Variants in JCAD observed in about 807,000 individuals in gnomAD.
JCAD encodes the protein junctional cadherin 5 associated, also known as junctional cadherin 5-associated protein.
JCAD carries 40 observed loss-of-function variants against 98.0 expected under a neutral mutation model. The observed-to-expected ratio is 0.41, with a 90% CI of 0.32 to 0.53. The LOEUF (loss-of-function observed/expected upper bound fraction) is 0.53, where lower values mean the gene tolerates loss of function less well. Among genes scored for constraint, JCAD ranks in the 20% least tolerant of loss-of-function variants. The pLI, the probability that JCAD is intolerant of heterozygous loss-of-function variation, is 0.31. For missense variants in JCAD, 1,705 were observed against 1,738.1 expected (o/e 0.98, Z 0.34); for synonymous variants, 691 against 682.3 (o/e 1.01, Z -0.20).
chr10:30,045,841 A>C (rs987229289), intron 2 of JCAD, among the ~76,000 whole-genome samples: 2 of 152,208 alleles, frequency 1.3e-5, no homozygotes, highest in South Asian at 2.1e-4. Context: ...TGACTTGGCA[A>C]CTTAAACCTG....
At chr10:30,069,522 G>C (rs987136918) in intron 2 of JCAD, among the ~76,000 whole-genome samples, 3 of 151,356 alleles carry the variant, frequency 2.0e-5, no homozygotes, top group Admixed American at 6.6e-5. Flanking sequence ...GGAGGCAGAG[G>C]TTGCAGTGAG....
chr10:30,083,963 A>G (rs1289918212), intron 1 of JCAD, among the ~76,000 whole-genome samples: 1 of 151,998 alleles, frequency 6.6e-6, no homozygotes, highest in African/African-American at 2.4e-5. Flanking sequence ...TCGAGGCTGC[A>G]GTGAAGTATG....
In JCAD at chr10:30,027,519, C is replaced by T. The variant is rs370847675; in HGVS notation, c.2629G>A (p.Glu877Lys). 2 of 1,612,154 alleles carry T rather than the reference C, an allele frequency of 1.2e-6. No homozygotes were observed. The highest frequency in any genetic ancestry group is 4.5e-5 in the East Asian group (2 of 44,888). ...CTGTTTCCGCGGAAGCCCACATCCT[C>T]CTGTCTGCAGTGAGCACGGTTCTCC... ...QQENRAHCRQEDVGFRGNSPE... is the reference protein window; with the variant it reads ...QQENRAHCRQKDVGFRGNSPE... Residue 877 changes from glutamate (E) to lysine (K), a missense_variant, in exon 3 of 4, where the codon GAG becomes AAG. Physicochemically the swap from Glu to Lys is moderately conservative, Grantham distance 56. Around this residue, in one of 3 missense-constraint regions of JCAD, gnomAD observed 1,278 missense variants for 1,243.1 expected, o/e 1.03. Transcript: ENST00000375377.
At chr10:30,034,856 C>T (rs1299469413) in intron 2 of JCAD, among the ~76,000 whole-genome samples, 1 of 152,198 alleles carries the variant, frequency 6.6e-6, no homozygotes, top group East Asian at 1.9e-4. Context: ...CTGTGAAAGG[C>T]TAAAAGAAAT....
intron 2 of JCAD, among the ~76,000 whole-genome samples, chr10:30,068,261 G>A (rs1436698887): frequency 6.6e-6 from 1 of 151,876 alleles, no homozygotes; most frequent in African/African-American, 2.4e-5. Context: ...CATGGTGGCA[G>A]GTACCTATAA....
chr10:30,040,424 A>AT (rs1266628390), intron 2 of JCAD, among the ~76,000 whole-genome samples: 1 of 152,244 alleles, frequency 6.6e-6, no homozygotes, highest in Non-Finnish European at 1.5e-5. Flanking sequence ...GATTTTTACC[A>AT]TGTTAAACTG....
chr10:30,038,967 C>T (rs1449006917), intron 2 of JCAD, among the ~76,000 whole-genome samples: 1 of 152,176 alleles, frequency 6.6e-6, no homozygotes, highest in Admixed American at 6.5e-5. Context: ...CTTCCTGCAA[C>T]TGCACTTCTA....
chr10:30,019,368 A>G (rs1836609612), intron 3 of JCAD, among the ~76,000 whole-genome samples: 1 of 151,394 alleles, frequency 6.6e-6, no homozygotes, highest in Non-Finnish European at 1.5e-5. Flanking sequence ...AAAAAAAAAA[A>G]AAAAAAAAAG....
chr10:30,077,206 A>C (rs913594462), intron 1 of JCAD, among the ~76,000 whole-genome samples: 3 of 152,180 alleles, frequency 2.0e-5, no homozygotes, highest in African/African-American at 7.2e-5. Flanking sequence ...TGGTATTGGG[A>C]ACAGAGATGC....
chr10:30,022,302 GT>G, intron 3 of JCAD, among the ~76,000 whole-genome samples: 1 of 152,320 alleles, frequency 6.6e-6, no homozygotes, highest in East Asian at 1.9e-4. Flanking sequence ...TTGTGTTACA[GT>G]GCCAGAACAG....
At chr10:30,074,179 C>T (rs372558403) in intron 1 of JCAD, among the ~76,000 whole-genome samples, 1 of 152,134 alleles carries the variant, frequency 6.6e-6, no homozygotes, top group Non-Finnish European at 1.5e-5. Context: ...GATACATTTA[C>T]ATCTCCTCCA....
At chr10:30,061,248 T>C (rs1027112961), upstream of JCAD, among the ~76,000 whole-genome samples, 2 of 152,068 alleles carry the variant, frequency 1.3e-5, no homozygotes, top group Non-Finnish European at 2.9e-5. Flanking sequence ...CATGTAATAG[T>C]CAAGAAAATG....
chr10:30,088,308 A>AT (rs1838198909), intron 1 of JCAD, among the ~76,000 whole-genome samples: 2 of 152,116 alleles, frequency 1.3e-5, no homozygotes. Flanking sequence ...CAGGGCAATC[A>AT]TTTTCCCCAT....
chr10:30,079,977 T>TA (rs1838053453), intron 1 of JCAD, among the ~76,000 whole-genome samples: 1 of 152,170 alleles, frequency 6.6e-6, no homozygotes, highest in African/African-American at 2.4e-5. Flanking sequence ...GCAAGAATGA[T>TA]AAAGAATATC....
At chr10:30,099,982 G>A (rs1239253758) in intron 1 of JCAD, among the ~76,000 whole-genome samples, 1 of 152,014 alleles carries the variant, frequency 6.6e-6, no homozygotes, top group Admixed American at 6.6e-5. Context: ...CACTCACCCA[G>A]TCACTCTCTT....
At chr10:30,035,784 A>G (rs1019721183) in intron 2 of JCAD, among the ~76,000 whole-genome samples, 8 of 152,242 alleles carry the variant, frequency 5.3e-5, no homozygotes, top group Admixed American at 4.6e-4. Context: ...TAAGGAAAGC[A>G]AAGTGGAATG....
intron 2 of JCAD, 152 bp from the exon 3 acceptor site, chr10:30,030,018 A>G: frequency 1.1e-6 from 1 of 942,536 alleles, no homozygotes; most frequent in Non-Finnish European, 1.5e-6. Context: ...AACATATCCC[A>G]TTAATTATGG....
rs755978470 is a variant in JCAD at position 30,027,592 on chromosome 10, G to GCTGCTA, written c.2550_2555dup (p.Ser858_Ser859dup). The GCTGCTA allele has an allele frequency of 4.3e-6, 7 of 1,614,204 alleles. No homozygotes were observed. Among genetic ancestry groups the GCTGCTA allele is most frequent in the South Asian group, 3.3e-5 (3 of 91,088 alleles). ...CCTCACTGCTGCTGCTGCTGCTGCT[G>GCTGCTA]CTGCTACTGCTGCTTTCTTCCTCTT... is the stretch of plus-strand genomic sequence containing the variant. On this transcript the variant is annotated inframe_insertion, in exon 3 of 4. Coordinates refer to ENST00000375377, the MANE Select transcript of JCAD (RefSeq NM_020848.4).
At chr10:30,099,370 G>A (rs574279465) in intron 1 of JCAD, among the ~76,000 whole-genome samples, 122 of 152,162 alleles carry the variant, frequency 8.0e-4, no homozygotes, top group African/African-American at 2.9e-3. Context: ...AAGTCATTAT[G>A]CCTCAGACTT....
Sources: gnomAD v4.1 joint callset for allele counts (sites outside exome capture counted in the v4.1 genomes callset) on GRCh38, gnomAD v4.1.1 for gene constraint, gnomAD v4.1.1 regional missense constraint, MANE v1.5 for transcripts, NCBI Gene and HGNC (gene_info 2026-07-23, HGNC 2026-07-21) for gene names.